QRFPR: variants seen among roughly 807,000 people sequenced by gnomAD.
QRFPR encodes the protein pyroglutamylated RF-amide peptide receptor.
QRFPR carries 37 observed loss-of-function variants against 31.3 expected under a neutral mutation model. That is an observed-to-expected ratio of 1.18 (90% CI 0.91 to 1.56). QRFPR has a LOEUF of 1.56. QRFPR is among the 40% of genes most tolerant of loss of function. The pLI is 0.00. For missense variants in QRFPR, 542 were observed against 532.5 expected (o/e 1.02, Z -0.18); for synonymous variants, 197 against 192.0 (o/e 1.03, Z -0.22).
In QRFPR at chr4:121,332,758, C is replaced by T. The variant is rs561968903; in HGVS notation, c.797+63G>A. ...CTAGAGGTTCTGAGAGCCCTGGCAA[C>T]CATCCCTTCCAGCACAATTAATTAA... On this transcript the variant is annotated intron_variant, in intron 4 of 5. Transcript: ENST00000394427. The T allele has an allele frequency of 2.3e-6, 3 of 1,292,072 alleles. No individual in the cohort carries two copies. The African/African-American group carries it at 4.4e-5, about 19-fold the overall frequency. The allele number at this position is 1,292,072 out of a possible 1,614,324, so 80.0% of individuals were successfully genotyped here.
rs1560744188 is a variant in QRFPR at position 121,365,620 on chromosome 4, A to ATATT, written c.340+14687_340+14688insAATA. 5.5e-3 allele frequency among the ~76,000 whole-genome samples: 50 copies of ATATT among 9,114 alleles called. 4 individuals carry two copies. Among genetic ancestry groups the ATATT allele is most frequent in the African/African-American group, 0.025 (48 of 1,952 alleles). The allele number at this position is 9,114 out of a possible 152,430, so 6.0% of individuals were successfully genotyped here. A position where few individuals can be genotyped will look rare whatever the true frequency, so the allele number is the denominator to read the frequency against. On this transcript the variant is annotated intron_variant, in intron 1 of 5. Transcript: ENST00000394427. ...TATATATAATATATATATTATATATATTATATATTATATATATATTTTATA... is the reference window on the plus strand; with the variant it reads ...TATATATAATATATATATTATATATATATTTTATATATTATATATATATTTTATA...
intron 1 of QRFPR, among the ~76,000 whole-genome samples, chr4:121,367,102 A>G (rs1226248571): frequency 6.7e-6 from 1 of 150,190 alleles, no homozygotes; most frequent in Non-Finnish European, 1.5e-5. Context: ...CTGGCTGCAC[A>G]TGTCCATTAT....
chr4:121,370,870 G>A (rs1375218883), intron 1 of QRFPR, among the ~76,000 whole-genome samples: 1 of 152,180 alleles, frequency 6.6e-6, no homozygotes, highest in Non-Finnish European at 1.5e-5. Context: ...TGAAAATAAA[G>A]CTTGATCTAA....
intron 2 of QRFPR, chr4:121,340,040 G>A (rs1725508804): frequency 6.0e-6 from 1 of 167,548 alleles, no homozygotes; most frequent in Admixed American, 6.2e-5. Flanking sequence ...TGGGCATAGT[G>A]GCTCATGCCT....
intron 1 of QRFPR, among the ~76,000 whole-genome samples, chr4:121,365,585 ATATATT>A (rs1726103094): frequency 8.0e-4 from 2 of 2,512 alleles, no homozygotes; most frequent in East Asian, 0.043. Context: ...TATATATTAT[ATATATT>A]ATATATATAT....
chr4:121,333,642 T>A (rs1725378508), intron 3 of QRFPR, among the ~76,000 whole-genome samples: 1 of 152,192 alleles, frequency 6.6e-6, no homozygotes, highest in African/African-American at 2.4e-5. Flanking sequence ...ATTGCCAATA[T>A]ACAAATATTC....
chr4:121,356,231 T>C (rs1725867513), intron 1 of QRFPR, among the ~76,000 whole-genome samples: 1 of 152,214 alleles, frequency 6.6e-6, no homozygotes, highest in Non-Finnish European at 1.5e-5. Flanking sequence ...TTGTTTTATG[T>C]ATCTGGGTGT....
Position 121,330,487 on chromosome 4 carries a change from C to G in QRFPR, c.834G>C (p.Val278=). 22 of 1,614,008 alleles carry G rather than the reference C, an allele frequency of 1.4e-5. No homozygotes were observed. Among genetic ancestry groups the G allele is most frequent in the Non-Finnish European group, 1.9e-5 (22 of 1,179,916 alleles). ...CCCAGCACACAGCAAAGAGAGCCAC[C>G]ACTGTCACCATCATAATGACAGCTC... ...KKRAVIMMVT[V]VALFAVCWAP... The change falls in exon 5 of 6, where the codon GTG becomes GTC. Residue 278 remains valine, a synonymous_variant. Coordinates refer to ENST00000394427, the MANE Select transcript of QRFPR (RefSeq NM_198179.3).
At chr4:121,368,730 C>T (rs1726173501) in intron 1 of QRFPR, among the ~76,000 whole-genome samples, 1 of 133,942 alleles carries the variant, frequency 7.5e-6, no homozygotes, top group Non-Finnish European at 1.6e-5. Context: ...TCAGTGAGCA[C>T]CTCTACGCCA....
intron 1 of QRFPR, among the ~76,000 whole-genome samples, chr4:121,360,555 C>T (rs1725969476): frequency 6.6e-6 from 1 of 152,068 alleles, no homozygotes; most frequent in Non-Finnish European, 1.5e-5. Context: ...TGGTTTTGAC[C>T]ATGATCATCT....
Position 121,380,355 on chromosome 4 carries a change from CAGA to C in QRFPR, c.290_292del (p.Phe97del). The C allele has an allele frequency of 3.7e-6, 6 of 1,614,124 alleles. No homozygotes were observed. The highest frequency in any genetic ancestry group is 2.2e-5 in the East Asian group (1 of 44,884). On this transcript the variant is annotated inframe_deletion, in exon 1 of 6. Coordinates refer to ENST00000394427, the MANE Select transcript of QRFPR (RefSeq NM_198179.3). ...GTTCTGGAGCATGGTGACGGGAATG[CAGA>C]AGAAGGTGATGAGCAGGTCACTGAG...
At chr4:121,344,085 T>G (rs990854097) in intron 1 of QRFPR, among the ~76,000 whole-genome samples, 1 of 152,226 alleles carries the variant, frequency 6.6e-6, no homozygotes, top group Non-Finnish European at 1.5e-5. Context: ...GGCAGCCCTA[T>G]TAAAAGAATT....
At chr4:121,368,662 A>G (rs1228606302) in intron 1 of QRFPR, among the ~76,000 whole-genome samples, 1 of 150,004 alleles carries the variant, frequency 6.7e-6, no homozygotes, top group African/African-American at 2.5e-5. Flanking sequence ...GGGTCCCCTT[A>G]CTGATAAGGC....
intron 1 of QRFPR, among the ~76,000 whole-genome samples, chr4:121,349,584 A>G (rs939159153): frequency 6.6e-6 from 1 of 152,196 alleles, no homozygotes; most frequent in Non-Finnish European, 1.5e-5. Context: ...TCTTAAATCC[A>G]GACACATACC....
chr4:121,356,911 C>G (rs1271656895), intron 1 of QRFPR, among the ~76,000 whole-genome samples: 1 of 152,096 alleles, frequency 6.6e-6, no homozygotes, highest in Non-Finnish European at 1.5e-5. Flanking sequence ...CTTGGCTCCA[C>G]TAGGGCTGAG....
At chr4:121,379,340 G>T (rs1726422642) in intron 1 of QRFPR, among the ~76,000 whole-genome samples, 1 of 152,166 alleles carries the variant, frequency 6.6e-6, no homozygotes, top group South Asian at 2.1e-4. Flanking sequence ...TTAGTAATGG[G>T]ATAGAAATAG....
At chr4:121,361,717 A>G (rs1180932335) in intron 1 of QRFPR, among the ~76,000 whole-genome samples, 1 of 150,328 alleles carries the variant, frequency 6.7e-6, no homozygotes, top group Non-Finnish European at 1.5e-5. Context: ...AGTTCACAAT[A>G]GATTGAAGAA....
intron 1 of QRFPR, among the ~76,000 whole-genome samples, chr4:121,361,532 A>G (rs1227355295): frequency 6.7e-6 from 1 of 150,208 alleles, no homozygotes; most frequent in Non-Finnish European, 1.5e-5. Flanking sequence ...CAGCAATGAT[A>G]TATTTTAGGC....
At chr4:121,375,461 G>T (rs534654974) in intron 1 of QRFPR, among the ~76,000 whole-genome samples, 4 of 152,162 alleles carry the variant, frequency 2.6e-5, no homozygotes, top group Non-Finnish European at 5.9e-5. Context: ...AGTGCACACA[G>T]GAAATACCCA....
Sources: gnomAD v4.1 joint callset for allele counts (sites outside exome capture counted in the v4.1 genomes callset) on GRCh38, gnomAD v4.1.1 for gene constraint, MANE v1.5 for transcripts, NCBI Gene and HGNC (gene_info 2026-07-23, HGNC 2026-07-21) for gene names.